The following COL4A2 variants were observed in gnomAD, a reference collection of about 807,000 sequenced individuals.
COL4A2 encodes collagen type IV alpha 2 chain, also known as collagen alpha-2(IV) chain.
In COL4A2, 99 loss-of-function variants were observed where a neutral mutation model predicts 200.2. That is an observed-to-expected ratio of 0.49 (90% CI 0.42 to 0.58). The LOEUF (loss-of-function observed/expected upper bound fraction) is 0.58. COL4A2 is among the 20% of genes least tolerant of loss of function. The pLI is 0.00. For synonymous variants in COL4A2, 897 were observed against 900.6 expected (o/e 1.00, Z 0.07); for missense variants, 1,950 against 2,314.1 (o/e 0.84, Z 3.23).
chr13:110,455,640 A>G (rs1163065128), intron 20 of COL4A2, among the ~76,000 whole-genome samples: 2 of 152,216 alleles, frequency 1.3e-5, no homozygotes, highest in Non-Finnish European at 2.9e-5. Flanking sequence ...AGCCTGGCAC[A>G]GCATAGGCAC....
chr13:110,332,873 C>G (rs1875991999), intron 3 of COL4A2, among the ~76,000 whole-genome samples: 1 of 152,208 alleles, frequency 6.6e-6, no homozygotes, highest in African/African-American at 2.4e-5. Context: ...CTGCTGAGCT[C>G]AAAGTCCTTC....
chr13:110,331,493 G>A (rs939160733), intron 3 of COL4A2, among the ~76,000 whole-genome samples: 1 of 152,144 alleles, frequency 6.6e-6, no homozygotes, highest in South Asian at 2.1e-4. Context: ...CCTGACCCTC[G>A]TTACTGGGCC....
At chr13:110,328,594 C>G (rs892055093) in intron 3 of COL4A2, 4 of 152,214 alleles carry the variant, frequency 2.6e-5, no homozygotes, top group Non-Finnish European at 4.4e-5. Context: ...GGCTGCTGGG[C>G]ACGTTTAATT....
rs112335750 is a variant in COL4A2 at position 110,474,968 on chromosome 13, A to G, written c.2425+1818A>G. On this transcript the variant is annotated intron_variant, in intron 29 of 47. Coordinates refer to ENST00000360467, the MANE Select transcript of COL4A2 (RefSeq NM_001846.4). ...TGCACACACGATCACACACACGTAC[A>G]TACCCACACACGTGCCTGTGCACAC... Among the ~76,000 whole-genome samples the G allele has an allele frequency of 8.3e-3, 997 of 120,684 alleles. 21 individuals carry two copies. Among genetic ancestry groups the G allele is most frequent in the African/African-American group, 0.029 (947 of 32,494 alleles). 79.2% of individuals were successfully genotyped at this position (120,684 alleles called of 152,430 possible). A position where few individuals can be genotyped will look rare whatever the true frequency, so the allele number is the denominator to read the frequency against.
intron 32 of COL4A2, among the ~76,000 whole-genome samples, chr13:110,483,963 GACTT>G (rs1883023519): frequency 6.6e-6 from 1 of 152,206 alleles, no homozygotes; most frequent in African/African-American, 2.4e-5. Flanking sequence ...TTACTCTTCA[GACTT>G]ACAGCTTTTA....
intron 3 of COL4A2, among the ~76,000 whole-genome samples, chr13:110,325,855 C>T (rs1566474056): frequency 6.6e-6 from 1 of 151,922 alleles, no homozygotes; most frequent in Non-Finnish European, 1.5e-5. Flanking sequence ...GAGATCTCAG[C>T]TCACTGAAAC....
intron 4 of COL4A2, among the ~76,000 whole-genome samples, chr13:110,424,367 T>A (rs1418429133): frequency 3.3e-5 from 5 of 150,930 alleles, no homozygotes; most frequent in Middle Eastern, 3.4e-3. Context: ...ACTGGATGCA[T>A]TATATTGAGG....
At chr13:110,412,185 T>C (rs1471766657) in intron 4 of COL4A2, among the ~76,000 whole-genome samples, 2 of 152,228 alleles carry the variant, frequency 1.3e-5, no homozygotes, top group African/African-American at 4.8e-5. Flanking sequence ...GTGATTGAGT[T>C]TGTTCCACCA....
intron 3 of COL4A2, among the ~76,000 whole-genome samples, chr13:110,345,159 T>C (rs1165421112): frequency 6.6e-6 from 1 of 152,174 alleles, no homozygotes; most frequent in African/African-American, 2.4e-5. Flanking sequence ...GTGTTTGAGT[T>C]GGTCTTGACT....
At chr13:110,489,537 G>A (rs778207838) in intron 35 of COL4A2, 29 bp downstream of exon 35, 1 of 1,613,400 alleles carries the variant, frequency 6.2e-7, no homozygotes, top group African/African-American at 1.3e-5. Flanking sequence ...GTGAAAACAG[G>A]GAGTCCACAA....
At chr13:110,337,714 C>G (rs1876265159) in intron 3 of COL4A2, among the ~76,000 whole-genome samples, 1 of 152,216 alleles carries the variant, frequency 6.6e-6, no homozygotes, top group African/African-American at 2.4e-5. Context: ...GCTGGAGGCT[C>G]TAAGAATCTG....
chr13:110,480,394 A>G lies in COL4A2; in HGVS notation c.2758+4A>G. The G allele has an allele frequency of 6.2e-7, 1 of 1,609,216 alleles. No individual in the cohort carries two copies. Among genetic ancestry groups the G allele is most frequent in the Non-Finnish European group, 8.5e-7 (1 of 1,177,768 alleles). On this transcript the variant is annotated splice_donor_region_variant and intron_variant, in intron 31 of 47. Coordinates refer to ENST00000360467, the MANE Select transcript of COL4A2 (RefSeq NM_001846.4). Reference sequence around the variant, plus strand: ...CCTGGGACCCCCGGGCTAAAAGGTAATTGTGTGACTGTGACCAGGGATCCC... The same window carrying G: ...CCTGGGACCCCCGGGCTAAAAGGTAGTTGTGTGACTGTGACCAGGGATCCC...
intron 20 of COL4A2, among the ~76,000 whole-genome samples, chr13:110,451,758 C>T (rs944935277): frequency 6.6e-6 from 1 of 152,242 alleles, no homozygotes; most frequent in Non-Finnish European, 1.5e-5. Flanking sequence ...CTAACCGTAT[C>T]ACCAGCTAAC....
Position 110,469,993 on chromosome 13 carries a change from C to T in COL4A2, c.2203+669C>T, listed in dbSNP as rs1182084393. On this transcript the variant is annotated intron_variant, in intron 28 of 47. Transcript: ENST00000360467. ...GCAGTGGCACAATCTCAGCTCACTG[C>T]AACCTCCGCCTTCTGGGTTCAAGCG... Among the ~76,000 whole-genome samples, 31 of 147,724 alleles carry T rather than the reference C, an allele frequency of 2.1e-4. No homozygotes were observed. In the Admixed American group the frequency reaches 2.1e-3, roughly 10 times the overall value.
chr13:110,333,302 C>A (rs7323190), intron 3 of COL4A2, among the ~76,000 whole-genome samples: 29,166 of 152,136 alleles, frequency 0.19, 2,925 homozygotes, highest in Middle Eastern at 0.23. Flanking sequence ...TTCCACCTTC[C>A]TATTCTTGGA....
intron 3 of COL4A2, among the ~76,000 whole-genome samples, chr13:110,337,026 C>T (rs1876222922): frequency 6.6e-6 from 1 of 152,184 alleles, no homozygotes; most frequent in African/African-American, 2.4e-5. Flanking sequence ...GTTAGCAATG[C>T]AGTTTTCAAA....
intron 32 of COL4A2, among the ~76,000 whole-genome samples, chr13:110,483,435 A>G (rs564976151): frequency 6.6e-6 from 1 of 152,228 alleles, no homozygotes; most frequent in Non-Finnish European, 1.5e-5. Context: ...ACAGACAAAA[A>G]TGTGGACACA....
At chr13:110,459,644 A>G (rs1327330495) in intron 22 of COL4A2, 3 of 152,332 alleles carry the variant, frequency 2.0e-5, no homozygotes, top group African/African-American at 7.2e-5. Context: ...ATGTTCTGAA[A>G]TTAGATAAGA....
chr13:110,469,031 G>A (rs768043661), intron 27 of COL4A2, among the ~76,000 whole-genome samples, 186 bp from the exon 28 acceptor site: 8 of 152,188 alleles, frequency 5.3e-5, no homozygotes, highest in Non-Finnish European at 8.8e-5. Context: ...GTTCCAGTCC[G>A]TAAACAGGAT....
Sources: gnomAD v4.1 joint callset for allele counts (sites outside exome capture counted in the v4.1 genomes callset) on GRCh38, gnomAD v4.1.1 for gene constraint, MANE v1.5 for transcripts, NCBI Gene and HGNC (gene_info 2026-07-23, HGNC 2026-07-21) for gene names.